Variants in NYAP2 observed in about 807,000 individuals in gnomAD.
NYAP2 encodes neuronal tyrosine-phosphorylated phosphoinositide-3-kinase adapter 2.
A neutral mutation model predicts 50.4 loss-of-function variants in NYAP2; 23 were observed. The observed-to-expected ratio is 0.46, with a 90% CI of 0.33 to 0.65. NYAP2 has a LOEUF of 0.65. Ranked by LOEUF, NYAP2 falls within the 30% of genes least tolerant of loss-of-function variation. The probability of loss-of-function intolerance (pLI) is 0.02; values close to 1 mark genes in which losing one functional copy is unlikely to be tolerated. For missense variants in NYAP2, 885 were observed against 861.0 expected (o/e 1.03, Z -0.35); for synonymous variants, 394 against 365.2 (o/e 1.08, Z -0.90).
intron 3 of NYAP2, among the ~76,000 whole-genome samples, chr2:225,454,134 G>C (rs1490173204): frequency 6.6e-6 from 1 of 151,938 alleles, no homozygotes; most frequent in Non-Finnish European, 1.5e-5. Context: ...GACCAGCCTG[G>C]ACAACATAGC....
intron 3 of NYAP2, among the ~76,000 whole-genome samples, chr2:225,457,753 T>C (rs1003238931): frequency 4.6e-5 from 7 of 152,214 alleles, no homozygotes; most frequent in African/African-American, 1.4e-4. Context: ...TTCATTATTA[T>C]GTTAATCAAG....
chr2:225,499,256 A>G (rs1022627672), intron 3 of NYAP2, among the ~76,000 whole-genome samples: 3 of 152,136 alleles, frequency 2.0e-5, no homozygotes, highest in Admixed American at 2.0e-4. Flanking sequence ...CTCTAAAGGT[A>G]TTGAGAAGAA....
intron 5 of NYAP2, among the ~76,000 whole-genome samples, chr2:225,593,559 G>A (rs929696511): frequency 9.9e-5 from 15 of 152,214 alleles, no homozygotes; most frequent in Non-Finnish European, 1.3e-4. Flanking sequence ...TATTGTCTTT[G>A]ACTACTTTTT....
intron 3 of NYAP2, among the ~76,000 whole-genome samples, chr2:225,512,856 C>T (rs34679202): frequency 0.5 from 39,598 of 78,784 alleles, 7,321 homozygotes; most frequent in East Asian, 0.6. Flanking sequence ...TTTCTTTCTT[C>T]CTTCCTTCCT....
chr2:225,673,132 G>A, the NYAP2 span, among the ~76,000 whole-genome samples: 21 of 152,054 alleles, frequency 1.4e-4, no homozygotes, highest in African/African-American at 4.3e-4. Flanking sequence ...CAGGCAAAGA[G>A]AGAGTTCTTG....
chr2:225,598,304 A>G (rs1398632434), intron 5 of NYAP2, among the ~76,000 whole-genome samples: 1 of 152,224 alleles, frequency 6.6e-6, no homozygotes, highest in East Asian at 1.9e-4. Flanking sequence ...TTTCAAATGT[A>G]ATTTTTAAAA....
At chr2:225,614,265 A>G (rs1177404284) in intron 5 of NYAP2, among the ~76,000 whole-genome samples, 1 of 152,226 alleles carries the variant, frequency 6.6e-6, no homozygotes, top group African/African-American at 2.4e-5. Context: ...TATGAATGTT[A>G]AGAACAGTTA....
intron 5 of NYAP2, among the ~76,000 whole-genome samples, chr2:225,613,135 G>T (rs542281630): frequency 4.2e-4 from 64 of 152,248 alleles, no homozygotes; most frequent in Middle Eastern, 3.4e-3. Flanking sequence ...GAAACCAGTC[G>T]TGTCTCAGTC....
At chr2:225,652,197 A>C (rs10180401) in exon 7 of NYAP2, 7 of 151,930 alleles carry the variant, frequency 4.6e-5, no homozygotes, top group African/African-American at 1.7e-4. Context: ...GCCTAAGACA[A>C]TTTGACTGGC....
At chr2:225,513,655 C>A (rs1274355128) in exon 4 of NYAP2, 1 of 1,513,378 alleles carries the variant, frequency 6.6e-7, no homozygotes, top group Non-Finnish European at 8.8e-7. Flanking sequence ...AGCGGGAAAA[C>A]CCCTGAGAGG....
At chr2:225,599,724 G>T (rs1306566666) in intron 5 of NYAP2, among the ~76,000 whole-genome samples, 1 of 152,150 alleles carries the variant, frequency 6.6e-6, no homozygotes, top group Non-Finnish European at 1.5e-5. Flanking sequence ...CAAAGTCCAG[G>T]ATACTATTTT....
At chr2:225,472,523 C>G (rs1360545591) in intron 3 of NYAP2, among the ~76,000 whole-genome samples, 1 of 152,148 alleles carries the variant, frequency 6.6e-6, no homozygotes, top group Non-Finnish European at 1.5e-5. Flanking sequence ...TCCCTAAAGA[C>G]ATGGGCCTAT....
chr2:225,520,906 C>A (rs1397133955), intron 4 of NYAP2, among the ~76,000 whole-genome samples: 1 of 152,012 alleles, frequency 6.6e-6, no homozygotes, highest in African/African-American at 2.4e-5. Flanking sequence ...TACCCATGAG[C>A]ATGGAATGTT....
intron 6 of NYAP2, among the ~76,000 whole-genome samples, chr2:225,637,499 C>T (rs879487698): frequency 6.6e-6 from 1 of 152,178 alleles, no homozygotes; most frequent in Non-Finnish European, 1.5e-5. Flanking sequence ...CTTTCCAGTT[C>T]TAATTGGGTG....
At chr2:225,664,323 G>C in the NYAP2 span, among the ~76,000 whole-genome samples, 1 of 152,172 alleles carries the variant, frequency 6.6e-6, no homozygotes, top group Non-Finnish European at 1.5e-5. Context: ...TAGAATGGAG[G>C]CTTCTTGAGG....
At chr2:225,669,824 C>G in the NYAP2 span, among the ~76,000 whole-genome samples, 6 of 152,026 alleles carry the variant, frequency 3.9e-5, no homozygotes, top group Non-Finnish European at 5.9e-5. Context: ...CCGTTCTGTC[C>G]AGCAGTCAGA....
At chr2:225,458,143 A>T (rs1464131272) in intron 3 of NYAP2, among the ~76,000 whole-genome samples, 2 of 152,062 alleles carry the variant, frequency 1.3e-5, no homozygotes, top group African/African-American at 4.8e-5. Context: ...GGCATTTTAC[A>T]TTTTCTTTAA....
intron 6 of NYAP2, among the ~76,000 whole-genome samples, chr2:225,649,174 C>T (rs780721899): frequency 1.5e-4 from 23 of 152,100 alleles, no homozygotes; most frequent in Non-Finnish European, 2.8e-4. Flanking sequence ...TGGTGTTTTT[C>T]TATGAATTTT....
intron 3 of NYAP2, among the ~76,000 whole-genome samples, chr2:225,511,230 C>A (rs1179572576): frequency 6.6e-6 from 1 of 151,962 alleles, no homozygotes; most frequent in Non-Finnish European, 1.5e-5. Context: ...GACTGCCCCT[C>A]ACGTCCACTA....
Sources: allele counts gnomAD v4.1 joint callset (sites outside exome capture counted in the v4.1 genomes callset), GRCh38; gene constraint gnomAD v4.1.1; transcripts MANE v1.5; gene names NCBI Gene and HGNC (gene_info 2026-07-23, HGNC 2026-07-21).